KIF21B: variants seen among roughly 807,000 people sequenced by gnomAD.
KIF21B encodes kinesin family member 21B.
Under a neutral mutation model 192.9 loss-of-function variants are expected in KIF21B, and 85 were observed. The ratio of observed to expected loss-of-function variants is 0.44; its 90% confidence interval spans 0.37 to 0.53. The LOEUF is 0.53. Ranked by LOEUF, KIF21B falls within the 20% of genes least tolerant of loss-of-function variation. The pLI is 0.00. For synonymous variants in KIF21B, 832 were observed against 884.6 expected, an observed-to-expected ratio of 0.94 and a Z score of 1.05; for missense variants, 1,716 against 2,194.8, an observed-to-expected ratio of 0.78 and a Z score of 4.36.
At chr1:200,976,221 G>C (rs1388432247) in intron 32 of KIF21B, among the ~76,000 whole-genome samples, 1 of 152,074 alleles carries the variant, frequency 6.6e-6, no homozygotes, top group Non-Finnish European at 1.5e-5. Flanking sequence ...CTCCCAAGTA[G>C]CTGGGACTAC....
Position 200,982,444 on chromosome 1 carries a change from T to C in KIF21B, c.3842+612A>G, listed in dbSNP as rs1215303599. 6.6e-6 allele frequency among the ~76,000 whole-genome samples: 1 copy of C among 152,148 alleles called. No homozygotes were observed. The highest frequency in any genetic ancestry group is 1.5e-5 in the Non-Finnish European group (1 of 68,012). ...CCCAGGTCCTGAGTCTTGCTCCTCGTTGTGCGGTGTCATGCTCGGCTGGCT... is the reference window on the plus strand; with the variant it reads ...CCCAGGTCCTGAGTCTTGCTCCTCGCTGTGCGGTGTCATGCTCGGCTGGCT... On this transcript the variant is annotated intron_variant, in intron 28 of 34. Transcript: ENST00000461742. This position sits in a 1 kb window ranked among gnomAD's most constrained non-coding sequence, Gnocchi z 4.7.
intron 1 of KIF21B, among the ~76,000 whole-genome samples, chr1:201,014,550 C>A (rs955275194): frequency 6.6e-6 from 1 of 152,338 alleles, no homozygotes; most frequent in South Asian, 2.1e-4. Context: ...CACCCTCTCC[C>A]GCGGGCTTAG....
rs1657298783 is a variant in KIF21B, at chr1:200,999,254, G to A, written c.1885+95C>T. ...TTCACGTCTGGGAGTGCTGGGGCCT[G>A]GACACCATTATCTTTGAGCAGGGCC... is the stretch of plus-strand genomic sequence containing the variant. On this transcript the variant is annotated intron_variant, in intron 13 of 34. Transcript: ENST00000461742. The surrounding 1 kb of genome is among the most constrained non-coding windows in gnomAD (Gnocchi z 4.7). The A allele has an allele frequency of 6.8e-7, 1 of 1,468,790 alleles. No individual in the cohort carries two copies. The highest frequency in any genetic ancestry group is 9.5e-7 in the Non-Finnish European group (1 of 1,051,770). 91.0% of individuals were successfully genotyped at this position (1,468,790 alleles called of 1,614,324 possible). A position where few individuals can be genotyped will look rare whatever the true frequency, so the allele number is the denominator to read the frequency against.
In KIF21B at chr1:200,989,937, C is replaced by T; in HGVS notation, c.3132+5G>A. The T allele has an allele frequency of 6.2e-7, 1 of 1,612,754 alleles. No individual in the cohort carries two copies. ...GCCCCCTGCCCATGTACGCTCCCAG[C>T]TTACCTTGTCAATGGATGCCTTGAG... On this transcript the variant is annotated splice_donor_5th_base_variant and intron_variant, in intron 21 of 34. Coordinates refer to ENST00000461742, the MANE Select transcript of KIF21B (RefSeq NM_001252102.2).
intron 1 of KIF21B, among the ~76,000 whole-genome samples, chr1:201,021,139 A>C (rs1274151731): frequency 1.3e-5 from 2 of 152,152 alleles, no homozygotes; most frequent in Non-Finnish European, 2.9e-5. Flanking sequence ...TGGGTAGAAG[A>C]GGATCTAAAA....
intron 1 of KIF21B, among the ~76,000 whole-genome samples, chr1:201,022,807 T>C (rs1256376378): frequency 6.6e-6 from 1 of 152,210 alleles, no homozygotes; most frequent in Non-Finnish European, 1.5e-5. Context: ...CCCAAAGCCA[T>C]TGACTTCCCA....
At chr1:201,013,411 TG>T (rs1433656383) in intron 1 of KIF21B, among the ~76,000 whole-genome samples, 1 of 152,132 alleles carries the variant, frequency 6.6e-6, no homozygotes, top group African/African-American at 2.4e-5. Context: ...GTGGCCTACT[TG>T]GCCCCAGATA....
Position 200,999,854 on chromosome 1 carries a change from G to A in KIF21B, c.1767+29C>T, listed in dbSNP as rs760294096. The A allele has an allele frequency of 6.2e-7, 1 of 1,609,802 alleles. No individual in the cohort carries two copies. Among genetic ancestry groups the A allele is most frequent in the Non-Finnish European group, 8.5e-7 (1 of 1,177,736 alleles). On this transcript the variant is annotated intron_variant, in intron 12 of 34. Coordinates refer to ENST00000461742, the MANE Select transcript of KIF21B (RefSeq NM_001252102.2). This position sits in a 1 kb window ranked among gnomAD's most constrained non-coding sequence, Gnocchi z 4.7. ...CAGCAGGGACACAAGGCATGCATGT[G>A]GTGAGGTGGGGCGGCCCGTGCTCCT...
rs769935112 is a variant in KIF21B, at chr1:200,990,066, C to T, written c.3031-23G>A. On this transcript the variant is annotated intron_variant, in intron 20 of 34. Transcript: ENST00000461742. The surrounding 1 kb of genome is among the most constrained non-coding windows in gnomAD (Gnocchi z 5.4). The stretch of plus-strand genomic sequence containing the variant: ...CTCCTAGGACCGGGAGGCAGAGAGC[C>T]CCGTCACCTGGGGCTACCCCTGCCA... 64 of 1,612,134 alleles carry T rather than the reference C, an allele frequency of 4.0e-5. No individual in the cohort carries two copies. The highest frequency in any genetic ancestry group is 5.3e-5 in the Non-Finnish European group (62 of 1,178,756).
At position 200,977,380 on chromosome 1, in the gene KIF21B, C is replaced by G; in HGVS notation, c.4161-4G>C. On this transcript the variant is annotated splice_polypyrimidine_tract_variant and splice_region_variant and intron_variant, in intron 30 of 34. Coordinates refer to ENST00000461742, the MANE Select transcript of KIF21B (RefSeq NM_001252102.2). ...TGAGATCACCTGGCCCGAGGACCTG[C>G]CCATCGGAGAAAGGCAAGGCCAGAG... 1 of 1,613,076 alleles carries G rather than the reference C, an allele frequency of 6.2e-7. No homozygotes were observed.
rs869174734 is a variant in KIF21B, at chr1:200,982,559, GCCCCCATGGTGCCCCTC to G, written c.3842+480_3842+496del. Among the ~76,000 whole-genome samples the G allele has an allele frequency of 6.6e-5, 10 of 152,236 alleles. No individual in the cohort carries two copies. Among genetic ancestry groups the G allele is most frequent in the African/African-American group, 2.2e-4 (9 of 41,554 alleles). ...CTAACAGGTGTGGGCAAGGGGCGCT[GCCCCCATGGTGCCCCTC>G]CCCCCATGGTGCCCCTCCCAGAGCC... On this transcript the variant is annotated intron_variant, in intron 28 of 34. Transcript: ENST00000461742. The surrounding 1 kb of genome is among the most constrained non-coding windows in gnomAD (Gnocchi z 4.7).
At chr1:201,019,483 G>GC in intron 1 of KIF21B, among the ~76,000 whole-genome samples, 3 of 152,106 alleles carry the variant, frequency 2.0e-5, no homozygotes, top group Admixed American at 2.0e-4. Flanking sequence ...CCTGCCCTTT[G>GC]CCCCCAGGGT....
At chr1:201,014,023 CCAGAA>C (rs1486859015) in intron 1 of KIF21B, among the ~76,000 whole-genome samples, 8 of 152,226 alleles carry the variant, frequency 5.3e-5, no homozygotes, top group African/African-American at 1.9e-4. Flanking sequence ...CCGGAATCTC[CCAGAA>C]CAGAGCCGGG....
rs983020699 is a variant in KIF21B, at chr1:200,990,158, C to G, written c.3010G>C (p.Val1004Leu). ...GATACCTTGGTCTCCTCCAGCTGCA[C>G]GATGGTGGCCTGGCAGTCGGTGATG... ...DGITDCQATI[V>L]QLEETKEELD... The change falls in exon 20 of 35, where the codon GTG becomes CTG. Residue 1004 changes from valine (V) to leucine (L), a missense_variant. Coordinates refer to ENST00000461742, the MANE Select transcript of KIF21B (RefSeq NM_001252102.2). The surrounding 1 kb of genome is among the most constrained non-coding windows in gnomAD (Gnocchi z 5.4). The G allele has an allele frequency of 8.7e-6, 14 of 1,613,822 alleles. No homozygotes were observed. Among genetic ancestry groups the G allele is most frequent in the Non-Finnish European group, 1.2e-5 (14 of 1,179,786 alleles).
Position 200,990,292 on chromosome 1 carries a change from C to T in KIF21B, c.2876G>A (p.Arg959Lys). 1 of 1,613,402 alleles carries T rather than the reference C, an allele frequency of 6.2e-7. No individual in the cohort carries two copies. Among genetic ancestry groups the T allele is most frequent in the Non-Finnish European group, 8.5e-7 (1 of 1,179,828 alleles). The change falls in exon 20 of 35, where the codon AGG becomes AAG. Residue 959 changes from arginine to lysine, a missense_variant. Arg to Lys is a conservative substitution (Grantham distance 26). This residue lies in a region of KIF21B where 1,087 missense variants were observed against 1,316.6 expected (regional missense o/e 0.83). Transcript: ENST00000461742. This position sits in a 1 kb window ranked among gnomAD's most constrained non-coding sequence, Gnocchi z 5.4. ...ELFLLQEALR[R>K]KRERLQAESP... Reference sequence around the variant, plus strand: ...CTCAGCCTGCAGCCGCTCCCGCTTCCTCCGCAGTGCCTCCTGCAGGAGGAA... The same window carrying T: ...CTCAGCCTGCAGCCGCTCCCGCTTCTTCCGCAGTGCCTCCTGCAGGAGGAA...
Position 201,023,236 on chromosome 1 carries a change from G to T in KIF21B, c.41+107C>A. 2 of 930,334 alleles carry T rather than the reference G, an allele frequency of 2.1e-6. No individual in the cohort carries two copies. The highest frequency in any genetic ancestry group is 3.0e-6 in the Non-Finnish European group (2 of 669,494). 57.6% of individuals were successfully genotyped at this position (930,334 alleles called of 1,614,324 possible). A position where few individuals can be genotyped will look rare whatever the true frequency, so the allele number is the denominator to read the frequency against. On this transcript the variant is annotated intron_variant, in intron 1 of 34. Transcript: ENST00000461742. The surrounding 1 kb of genome is among the most constrained non-coding windows in gnomAD (Gnocchi z 5.9). ...CGTCCCACGCCGGCCCCTCCTCCGGGAGTGCAGGCTCCAGCCCAAGCGGTG... is the reference window on the plus strand; with the variant it reads ...CGTCCCACGCCGGCCCCTCCTCCGGTAGTGCAGGCTCCAGCCCAAGCGGTG...
At chr1:201,021,112 G>T (rs1259311620) in intron 1 of KIF21B, among the ~76,000 whole-genome samples, 1 of 152,178 alleles carries the variant, frequency 6.6e-6, no homozygotes, top group Non-Finnish European at 1.5e-5. Flanking sequence ...GATTTCTGGG[G>T]GTGCTGCGGG....
At chr1:200,993,985 A>G (rs1656886536) in intron 15 of KIF21B, among the ~76,000 whole-genome samples, 1 of 152,100 alleles carries the variant, frequency 6.6e-6, no homozygotes, top group South Asian at 2.1e-4. Flanking sequence ...CCTCGGCTAA[A>G]AGTGGACCTG....
intron 1 of KIF21B, among the ~76,000 whole-genome samples, chr1:201,021,424 G>C (rs905473463): frequency 3.9e-5 from 6 of 152,198 alleles, no homozygotes; most frequent in Non-Finnish European, 5.9e-5. Flanking sequence ...CCCCAATCCA[G>C]ATCAGCAACT....
Sources: gnomAD v4.1 joint callset for allele counts (sites outside exome capture counted in the v4.1 genomes callset) on GRCh38, gnomAD v4.1.1 for gene constraint, gnomAD v4.1.1 regional missense constraint, Gnocchi (gnomAD v3.1) non-coding constraint, MANE v1.5 for transcripts, NCBI Gene and HGNC (gene_info 2026-07-23, HGNC 2026-07-21) for gene names.